Variants in SCN11A observed in about 807,000 individuals in gnomAD.
SCN11A encodes sodium channel protein type 11 subunit alpha.
In SCN11A, 122 loss-of-function variants were observed where a neutral mutation model predicts 162.2. That is an observed-to-expected ratio of 0.75 (90% CI 0.65 to 0.87). SCN11A has a LOEUF of 0.87. Ranked by LOEUF, SCN11A falls within the 40% of genes least tolerant of loss-of-function variation. SCN11A has a pLI of 0.00. For synonymous variants in SCN11A, 758 were observed against 751.5 expected, an observed-to-expected ratio of 1.01 and a Z score of -0.14; for missense variants, 2,015 against 2,181.6, an observed-to-expected ratio of 0.92 and a Z score of 1.52.
chr3:38,960,070 C>A (rs914286304), intron 3 of SCN11A, among the ~76,000 whole-genome samples: 2 of 152,036 alleles, frequency 1.3e-5, no homozygotes, highest in Non-Finnish European at 2.9e-5. Flanking sequence ...GAGCCCATGA[C>A]CTCTCAGTGT....
At chr3:38,883,817 T>C (rs753650323) in intron 21 of SCN11A, among the ~76,000 whole-genome samples, 3 of 152,226 alleles carry the variant, frequency 2.0e-5, no homozygotes, top group Non-Finnish European at 4.4e-5. Context: ...GGCACATGTT[T>C]ACTATTTTAT....
At chr3:39,042,174 C>G (rs2032063460) in intron 1 of SCN11A, among the ~76,000 whole-genome samples, 2 of 152,222 alleles carry the variant, frequency 1.3e-5, no homozygotes, top group African/African-American at 4.8e-5. Context: ...GAGGCCAAGG[C>G]AGGAATATCG....
At chr3:38,904,125 G>C in intron 15 of SCN11A, 22 bp from the exon 16 acceptor site, 1 of 1,493,184 alleles carries the variant, frequency 6.7e-7, no homozygotes, top group Non-Finnish European at 9.0e-7. Context: ...TGAGCGAGAG[G>C]TTGAGGAGTT....
chr3:38,989,153 G>A lies in SCN11A; in HGVS notation c.-279-28730C>T, dbSNP rs183541061. 9.2e-5 allele frequency among the ~76,000 whole-genome samples: 14 copies of A among 152,298 alleles called. No individual in the cohort carries two copies. In the East Asian group the frequency reaches 1.5e-3, roughly 17 times the overall value. ...AGAACTCCAGACATCCTGAGACTGC[G>A]ATGCTGGGGAGACCACAAGTAGCGC... On this transcript the variant is annotated intron_variant, in intron 2 of 29. Coordinates refer to ENST00000302328, the MANE Select transcript of SCN11A (RefSeq NM_001349253.2).
chr3:38,944,027 C>T (rs12631278), intron 7 of SCN11A, among the ~76,000 whole-genome samples: 41,330 of 151,914 alleles, frequency 0.27, 6,278 homozygotes, highest in African/African-American at 0.41. Flanking sequence ...TCCCAATTAC[C>T]CTTAAGTGAT....
chr3:38,970,096 A>G, intron 2 of SCN11A, among the ~76,000 whole-genome samples: 1 of 151,258 alleles, frequency 6.6e-6, no homozygotes, highest in East Asian at 1.9e-4. Flanking sequence ...ATTAGTGAGC[A>G]TCGTAGATCT....
At chr3:38,899,283 C>T (rs2065656579) in intron 17 of SCN11A, among the ~76,000 whole-genome samples, 1 of 152,166 alleles carries the variant, frequency 6.6e-6, no homozygotes, top group African/African-American at 2.4e-5. Context: ...GCAACCTTCT[C>T]AAAGACAATG....
At chr3:38,932,715 C>T (rs917322290) in intron 7 of SCN11A, among the ~76,000 whole-genome samples, 11 of 152,310 alleles carry the variant, frequency 7.2e-5, no homozygotes, top group African/African-American at 1.9e-4. Flanking sequence ...ACAAAGCAGC[C>T]GAGAAGCTCC....
intron 17 of SCN11A, 84 bp from the exon 18 acceptor site, chr3:38,897,309 T>G (rs2065620288): frequency 7.3e-7 from 1 of 1,372,052 alleles, no homozygotes; most frequent in Non-Finnish European, 9.9e-7. Flanking sequence ...GCAAATGACA[T>G]ATACCCAAAC....
At chr3:38,982,060 CA>C (rs1181662270) in intron 2 of SCN11A, among the ~76,000 whole-genome samples, 1 of 151,390 alleles carries the variant, frequency 6.6e-6, no homozygotes, top group Non-Finnish European at 1.5e-5. Flanking sequence ...CAAAAACAGA[CA>C]AACAAAACCA....
chr3:38,951,290 C>T (rs2066610891), intron 4 of SCN11A, among the ~76,000 whole-genome samples: 1 of 152,226 alleles, frequency 6.6e-6, no homozygotes, highest in African/African-American at 2.4e-5. Context: ...GGGCTTGGCA[C>T]CCGGGCCAGT....
At chr3:38,928,140 A>AC (rs780931473) in intron 7 of SCN11A, among the ~76,000 whole-genome samples, 44 of 152,246 alleles carry the variant, frequency 2.9e-4, no homozygotes, top group Non-Finnish European at 5.1e-4. Context: ...CTTACACCAT[A>AC]TAAAAAATTA....
intron 2 of SCN11A, among the ~76,000 whole-genome samples, chr3:38,991,754 G>C (rs1324861999): frequency 6.6e-6 from 1 of 151,808 alleles, no homozygotes; most frequent in East Asian, 1.9e-4. Context: ...TCACCTGCTG[G>C]GTCCTGGTAA....
At chr3:38,923,736 A>G (rs1257382641) in intron 9 of SCN11A, among the ~76,000 whole-genome samples, 1 of 152,150 alleles carries the variant, frequency 6.6e-6, no homozygotes, top group African/African-American at 2.4e-5. Flanking sequence ...AGGAGCAGAC[A>G]TTCTGAGATC....
rs549251104 is a variant in SCN11A, at chr3:38,897,064, A to G, written c.2184T>C (p.Asn728=). 1.2e-5 allele frequency: 19 copies of G among 1,614,134 alleles called. No homozygotes were observed. In the African/African-American group the frequency reaches 2.5e-4, roughly 22 times the overall value. ...TACAGAGTTTTGGACTCTTTTGGGA[A>G]TTGAAGCTACGGCCAAAAAGCTGCA... The part of the protein sequence containing the change: ...VGMQLFGRSF[N]SQKSPKLCNP... The change falls in exon 18 of 30, where the codon AAT becomes AAC. Residue 728 remains asparagine, a synonymous_variant. Transcript: ENST00000302328.
intron 12 of SCN11A, 68 bp from the exon 13 acceptor site, chr3:38,909,262 G>A: frequency 6.8e-7 from 1 of 1,471,394 alleles, no homozygotes. Flanking sequence ...ATCACCTCAA[G>A]CAAAAACCAC....
intron 18 of SCN11A, among the ~76,000 whole-genome samples, chr3:38,896,023 A>C (rs1575260384): frequency 6.6e-6 from 1 of 152,226 alleles, no homozygotes; most frequent in African/African-American, 2.4e-5. Context: ...CCTCATAAAT[A>C]TCTATGCTTC....
At chr3:38,911,432 A>T (rs1294904117) in intron 11 of SCN11A, among the ~76,000 whole-genome samples, 1 of 152,090 alleles carries the variant, frequency 6.6e-6, no homozygotes, top group Non-Finnish European at 1.5e-5. Context: ...TTTGCCCATT[A>T]GTTTTAAAAT....
At chr3:38,997,071 C>A (rs565290164) in intron 2 of SCN11A, among the ~76,000 whole-genome samples, 1 of 152,156 alleles carries the variant, frequency 6.6e-6, no homozygotes, top group African/African-American at 2.4e-5. Flanking sequence ...CTATTCTCAA[C>A]GTAGCAGTCC....
Sources: gnomAD v4.1 joint callset for allele counts (sites outside exome capture counted in the v4.1 genomes callset) on GRCh38, gnomAD v4.1.1 for gene constraint, MANE v1.5 for transcripts, NCBI Gene and HGNC (gene_info 2026-07-23, HGNC 2026-07-21) for gene names.